The following TLR3 variants were observed in gnomAD, a reference collection of about 807,000 sequenced individuals.
The protein encoded by TLR3 is toll like receptor 3.
A neutral mutation model predicts 66.4 loss-of-function variants in TLR3; 43 were observed. The ratio of observed to expected loss-of-function variants is 0.65; its 90% CI spans 0.51 to 0.83. TLR3 has a LOEUF of 0.83. Ranked by LOEUF, TLR3 falls within the 40% of genes least tolerant of loss-of-function variation. The pLI is 0.00. For synonymous variants in TLR3, 397 were observed against 397.2 expected (o/e 1.00, Z 0.01); for missense variants, 982 against 1,044.6 (o/e 0.94, Z 0.83).
At position 186,076,926 on chromosome 4, in the gene TLR3, G is replaced by C; in HGVS notation, c.307G>C (p.Val103Leu). Residue 103 changes from valine to leucine, a missense_variant, in exon 2 of 5, where the codon GTT (valine) becomes CTT (leucine). Around this residue, in one of 3 missense-constraint regions of TLR3, gnomAD observed 313 missense variants for 319.0 expected, o/e 0.98. Transcript: ENST00000296795. Reference sequence around the variant, plus strand: ...GTGCCAGAAACTTCCCATGTTAAAAGTTTTGAACCTCCAGCACAATGAGCT... The same window carrying C: ...GTGCCAGAAACTTCCCATGTTAAAACTTTTGAACCTCCAGCACAATGAGCT... ...ELCQKLPMLK[V>L]LNLQHNELSQ... The C allele has an allele frequency of 1.2e-6, 2 of 1,614,162 alleles. No homozygotes were observed. Among genetic ancestry groups the C allele is most frequent in the Non-Finnish European group, 8.5e-7 (1 of 1,180,024 alleles).
Position 186,087,813 on chromosome 4 carries a change from G to A in TLR3, c.*2940G>A, listed in dbSNP as rs186109810. On this transcript the variant is annotated 3_prime_UTR_variant, in exon 5 of 5. Coordinates refer to ENST00000296795, the MANE Select transcript of TLR3 (RefSeq NM_003265.3). Reference sequence around the variant, plus strand: ...GGGCTTCAAATCAAGAACTTAGAAGGAATTTCTTGCAATCTATTGAGACAC... The same window carrying A: ...GGGCTTCAAATCAAGAACTTAGAAGAAATTTCTTGCAATCTATTGAGACAC... The A allele has an allele frequency of 1.3e-5, 2 of 152,254 alleles. No individual in the cohort carries two copies. Among genetic ancestry groups the A allele is most frequent in the Admixed American group, 6.5e-5 (1 of 15,302 alleles). 9.4% of individuals were successfully genotyped at this position (152,254 alleles called of 1,614,324 possible).
Position 186,082,376 on chromosome 4 carries a change from T to A in TLR3, c.690T>A (p.Asn230Lys). 6.2e-7 allele frequency: 1 copy of A among 1,614,102 alleles called. No individual in the cohort carries two copies. Among genetic ancestry groups the A allele is most frequent in the Non-Finnish European group, 8.5e-7 (1 of 1,180,020 alleles). ...GATTATTTGGCCTCTTTCTGAACAA[T>A]GTCCAGCTGGGTCCCAGCCTTACAG... is the stretch of plus-strand genomic sequence containing the variant. ...IGRLFGLFLN[N>K]VQLGPSLTEK... The change falls in exon 4 of 5, where the codon AAT becomes AAA. Residue 230 changes from asparagine to lysine, a missense_variant. Around this residue, in one of 3 missense-constraint regions of TLR3, gnomAD observed 313 missense variants for 319.0 expected, o/e 0.98. Coordinates refer to ENST00000296795, the MANE Select transcript of TLR3 (RefSeq NM_003265.3).
chr4:186,077,562 T>C (rs2099302651), intron 2 of TLR3, among the ~76,000 whole-genome samples: 1 of 152,212 alleles, frequency 6.6e-6, no homozygotes, highest in Non-Finnish European at 1.5e-5. Context: ...CAATGATTCC[T>C]TTTTCTTTTC....
At chr4:186,072,299 T>A (rs2099301614) in intron 1 of TLR3, among the ~76,000 whole-genome samples, 1 of 152,198 alleles carries the variant, frequency 6.6e-6, no homozygotes, top group Non-Finnish European at 1.5e-5. Flanking sequence ...CACACACTTT[T>A]ATTTTTTTAT....
At chr4:186,070,315 C>A (rs1026007060) in intron 1 of TLR3, among the ~76,000 whole-genome samples, 1 of 152,090 alleles carries the variant, frequency 6.6e-6, no homozygotes, top group Non-Finnish European at 1.5e-5. Flanking sequence ...AATACTTATA[C>A]CTTTTTATTT....
chr4:186,075,468 A>T (rs894600754), intron 1 of TLR3, among the ~76,000 whole-genome samples: 4 of 152,040 alleles, frequency 2.6e-5, no homozygotes, highest in Non-Finnish European at 5.9e-5. Context: ...TATAAAATTT[A>T]AAAAATAATA....
rs767814924 is a variant in TLR3 at position 186,077,029 on chromosome 4, A to G, written c.410A>G (p.Lys137Arg). ...ELHLMSNSIQ[K>R]IKNNPFVKQK... ...CATCTCATGTCCAACTCAATCCAGA[A>G]AATTAAAAATAATCCCTTTGTCAAG... is the stretch of plus-strand genomic sequence containing the variant. The change falls in exon 2 of 5, where the codon AAA (lysine) becomes AGA (arginine). Residue 137 changes from lysine to arginine, a missense_variant. Physicochemically the swap from Lys to Arg is conservative, Grantham distance 26. Transcript: ENST00000296795. The G allele has an allele frequency of 6.2e-7, 1 of 1,614,104 alleles. No homozygotes were observed. The highest frequency in any genetic ancestry group is 1.1e-5 in the South Asian group (1 of 91,068).
chr4:186,083,243 C>T lies in TLR3; in HGVS notation c.1557C>T (p.Ala519=). ...TGGATCTAAGCAACAACAACATAGC[C>T]AACATAAATGATGACATGTTGGAGG... ...TILDLSNNNI[A]NINDDMLEGL... The change falls in exon 4 of 5, where the codon GCC becomes GCT. Residue 519 remains alanine, a synonymous_variant. Transcript: ENST00000296795. This position sits in a 1 kb window ranked among gnomAD's most constrained non-coding sequence, Gnocchi z 4.0. 3.1e-6 allele frequency: 5 copies of T among 1,614,160 alleles called. No individual in the cohort carries two copies. Among genetic ancestry groups the T allele is most frequent in the Non-Finnish European group, 4.2e-6 (5 of 1,180,034 alleles).
chr4:186,080,163 C>G (rs2099303186), intron 3 of TLR3, among the ~76,000 whole-genome samples: 1 of 151,978 alleles, frequency 6.6e-6, no homozygotes, highest in South Asian at 2.1e-4. Context: ...TATAAGACTA[C>G]TGGAAATCCT....
Position 186,082,997 on chromosome 4 carries a change from C to A in TLR3, c.1311C>A (p.Asp437Glu). Residue 437 changes from aspartate (D) to glutamate (E), a missense_variant, in exon 4 of 5, where the codon GAC becomes GAA. Around this residue, in one of 3 missense-constraint regions of TLR3, gnomAD observed 666 missense variants for 709.0 expected, o/e 0.94. Transcript: ENST00000296795. ...GGTTGGGCCACCTAGAAGTACTTGA[C>A]CTGGGCCTTAATGAAATTGGGCAAG... is the stretch of plus-strand genomic sequence containing the variant. ...FSWLGHLEVL[D>E]LGLNEIGQEL... 6.2e-7 allele frequency: 1 copy of A among 1,614,120 alleles called. No individual in the cohort carries two copies. The highest frequency in any genetic ancestry group is 8.5e-7 in the Non-Finnish European group (1 of 1,180,034).
At chr4:186,080,135 A>G (rs1187785085) in intron 3 of TLR3, among the ~76,000 whole-genome samples, 1 of 151,706 alleles carries the variant, frequency 6.6e-6, no homozygotes, top group Non-Finnish European at 1.5e-5. Flanking sequence ...TGTATTTTAC[A>G]CTCATTTTGT....
intron 2 of TLR3, among the ~76,000 whole-genome samples, chr4:186,077,846 CAT>C (rs1579727743): frequency 6.6e-6 from 1 of 150,918 alleles, no homozygotes; most frequent in African/African-American, 2.4e-5. Flanking sequence ...AAAAAAAACG[CAT>C]GTTATTGTTT....
rs549648659 is a variant in TLR3 at position 186,079,220 on chromosome 4, C to T, written c.633+189C>T. Among the ~76,000 whole-genome samples the T allele has an allele frequency of 3.7e-3, 556 of 152,182 alleles. 2 individuals carry two copies. The highest frequency in any genetic ancestry group is 6.4e-3 in the Non-Finnish European group (432 of 67,980). ...GGCAGCCCCAGGAGAGGTCGGGAGA[C>T]GGGACTCTGCCGCCCTGCAGCACTG... On this transcript the variant is annotated intron_variant, in intron 3 of 4. Transcript: ENST00000296795.
chr4:186,073,678 T>C (rs13108688), intron 1 of TLR3, among the ~76,000 whole-genome samples: 1 of 151,974 alleles, frequency 6.6e-6, no homozygotes, highest in East Asian at 1.9e-4. Context: ...ATCTAAGTAA[T>C]GGGAGTAGGA....
rs2099303767 is a variant in TLR3, at chr4:186,082,820, G to A, written c.1134G>A (p.Leu378=). 1 of 1,613,982 alleles carries A rather than the reference G, an allele frequency of 6.2e-7. No individual in the cohort carries two copies. Among genetic ancestry groups the A allele is most frequent in the Non-Finnish European group, 8.5e-7 (1 of 1,179,956 alleles). The change falls in exon 4 of 5, where the codon TTG becomes TTA. Residue 378 remains leucine, a synonymous_variant. Coordinates refer to ENST00000296795, the MANE Select transcript of TLR3 (RefSeq NM_003265.3). The part of the protein sequence containing the change: ...PGIKSNMFTG[L]INLKYLSLSN... The stretch of plus-strand genomic sequence containing the variant: ...TAAAAAGCAATATGTTCACAGGATT[G>A]ATAAACCTGAAATACTTAAGTCTAT...
At chr4:186,075,585 G>A (rs150421785) in intron 1 of TLR3, among the ~76,000 whole-genome samples, 66 of 152,190 alleles carry the variant, frequency 4.3e-4, no homozygotes, top group African/African-American at 1.5e-3. Flanking sequence ...AGCCATGATA[G>A]TACCACTGTA....
At chr4:186,080,024 A>G (rs1561371117) in intron 3 of TLR3, among the ~76,000 whole-genome samples, 1 of 152,152 alleles carries the variant, frequency 6.6e-6, no homozygotes, top group Non-Finnish European at 1.5e-5. Flanking sequence ...TGGATCATGA[A>G]GACAGACTAA....
At chr4:186,073,510 A>T (rs1293277236) in intron 1 of TLR3, among the ~76,000 whole-genome samples, 1 of 151,406 alleles carries the variant, frequency 6.6e-6, no homozygotes, top group African/African-American at 2.4e-5. Flanking sequence ...ACAGAGTGAG[A>T]CTCCATCTCA....
In TLR3 at chr4:186,082,461, C is replaced by T; in HGVS notation, c.775C>T (p.Gln259Ter). 1.9e-6 allele frequency: 3 copies of T among 1,614,150 alleles called. No homozygotes were observed. The highest frequency in any genetic ancestry group is 2.5e-6 in the Non-Finnish European group (3 of 1,180,038). Residue 259 changes from glutamine to a stop codon, truncating the protein, a stop_gained, in exon 4 of 5, where the codon CAG becomes TAG. Transcript: ENST00000296795. LOFTEE classifies it high-confidence loss of function. ...TCGGAATCTGTCTCTGAGTAACAGCCAGCTGTCCACCACCAGCAATACAAC... is the reference window on the plus strand; with the variant it reads ...TCGGAATCTGTCTCTGAGTAACAGCTAGCTGTCCACCACCAGCAATACAAC... ...SIRNLSLSNS[Q>*]LSTTSNTTFL...
Sources: allele counts gnomAD v4.1 joint callset (sites outside exome capture counted in the v4.1 genomes callset), GRCh38; gene constraint gnomAD v4.1.1; regional missense constraint gnomAD v4.1.1; non-coding constraint Gnocchi (gnomAD v3.1); transcripts MANE v1.5; gene names NCBI Gene and HGNC (gene_info 2026-07-23, HGNC 2026-07-21).